Variants in ESPL1 observed in about 807,000 individuals in gnomAD.
ESPL1 encodes separin.
In ESPL1, 50 loss-of-function variants were observed where a neutral mutation model predicts 217.2. The observed-to-expected ratio is 0.23, with a 90% CI of 0.18 to 0.29. The LOEUF (loss-of-function observed/expected upper bound fraction) is 0.29, where lower values mean the gene tolerates loss of function less well. Among genes scored for constraint, ESPL1 ranks in the 10% least tolerant of loss-of-function variants. ESPL1 has a pLI of 1.00. For synonymous variants in ESPL1, 994 were observed against 1,081.3 expected (o/e 0.92, Z 1.58); for missense variants, 1,834 against 2,603.0 (o/e 0.70, Z 6.43).
Position 53,292,076 on chromosome 12 carries a change from C to T in ESPL1, c.5784C>T (p.Ser1928=), listed in dbSNP as rs771553726. The change falls in exon 27 of 31, where the codon TCC becomes TCT. Residue 1928 remains serine (S), a synonymous_variant. Coordinates refer to ENST00000257934, the MANE Select transcript of ESPL1 (RefSeq NM_012291.5). This position sits in a 1 kb window ranked among gnomAD's most constrained non-coding sequence, Gnocchi z 4.5. ...CCTTCCGCTTCCTACTCAGCTACTC[C>T]ATCATCAAAGAGGTGGGGTTCAGGG... The part of the protein sequence containing the change: ...LPSFRFLLSY[S]IIKEYGASPV... The T allele has an allele frequency of 1.9e-6, 3 of 1,613,436 alleles. No homozygotes were observed. The highest frequency in any genetic ancestry group is 2.2e-5 in the South Asian group (2 of 91,052).
intron 24 of ESPL1, 140 bp from the exon 25 acceptor site, chr12:53,290,701 A>T: frequency 1.1e-4 from 1 of 9,214 alleles, no homozygotes; most frequent in Non-Finnish European, 2.2e-4. Flanking sequence ...CTTAAACCCA[A>T]CTATCAGCTT....
chr12:53,268,545 A>G (rs895025251), intron 1 of ESPL1, 168 bp downstream of exon 1: 1 of 543,432 alleles, frequency 1.8e-6, no homozygotes, highest in Non-Finnish European at 3.3e-6. Flanking sequence ...TAGCGCGGCG[A>G]GTGGTGTGGT....
chr12:53,293,433 G>A lies in ESPL1; in HGVS notation c.6322G>A (p.Ala2108Thr). 2 of 1,614,138 alleles carry A rather than the reference G, an allele frequency of 1.2e-6. No homozygotes were observed. Among genetic ancestry groups the A allele is most frequent in the Non-Finnish European group, 1.7e-6 (2 of 1,180,034 alleles). The change falls in exon 31 of 31, where the codon GCT becomes ACT. Residue 2108 changes from alanine to threonine, a missense_variant. Ala to Thr is a moderately conservative substitution (Grantham distance 58). Transcript: ENST00000257934. This position sits in a 1 kb window ranked among gnomAD's most constrained non-coding sequence, Gnocchi z 4.2. ...QAPRLKYLIG[A>T]APIAYGLPVS... ...TCCCCGACTCAAGTATCTTATTGGGGCTGCACCTATAGCCTATGGCTTGCC... is the reference window on the plus strand; with the variant it reads ...TCCCCGACTCAAGTATCTTATTGGGACTGCACCTATAGCCTATGGCTTGCC...
chr12:53,275,092 C>A, intron 7 of ESPL1, 82 bp downstream of exon 7: 1 of 1,172,648 alleles, frequency 8.5e-7, no homozygotes, highest in African/African-American at 1.6e-5. Context: ...CACTTGAGGT[C>A]AGGAGTTTGA....
intron 17 of ESPL1, among the ~76,000 whole-genome samples, chr12:53,285,568 G>C (rs549647929): frequency 2.5e-4 from 38 of 152,182 alleles, no homozygotes; most frequent in African/African-American, 8.9e-4. Flanking sequence ...AATTAGCCGG[G>C]CGTGGTGGTG....
At chr12:53,276,927 C>G (rs113972522) in intron 8 of ESPL1, 68 bp downstream of exon 8, 27,567 of 1,578,166 alleles carry the variant, frequency 0.017, 290 homozygotes, top group Non-Finnish European at 0.02. Context: ...TCTTGAGAAC[C>G]AGTTTCCCTC....
rs200782777 is a variant in ESPL1 at position 53,289,917 on chromosome 12, G to A, written c.5114-168G>A. The A allele has an allele frequency of 2.4e-4, 166 of 680,308 alleles. 1 individual carries two copies. The East Asian group carries it at 4.2e-3, about 17-fold the overall frequency. The allele number at this position is 680,308 out of a possible 1,614,324, so 42.1% of individuals were successfully genotyped here. On this transcript the variant is annotated intron_variant, in intron 22 of 30. Transcript: ENST00000257934. The stretch of plus-strand genomic sequence containing the variant: ...TGAGGGACACAAAGTACAAGTCATG[G>A]TCTCTGTGCACAGGGAGCTATTAGA...
In ESPL1 at chr12:53,290,152, G is replaced by A. The variant is rs375993955; in HGVS notation, c.5181G>A (p.Leu1727=). The part of the protein sequence containing the change: ...QPGTVGNTLL[L]TRLEKDSPPV... The stretch of plus-strand genomic sequence containing the variant: ...GAACCGTGGGCAACACCCTCCTGCT[G>A]ACCCGGCTGGAAAAGGACAGTCCCC... The change falls in exon 23 of 31, where the codon CTG becomes CTA. Residue 1727 remains leucine, a synonymous_variant. Coordinates refer to ENST00000257934, the MANE Select transcript of ESPL1 (RefSeq NM_012291.5). 3.1e-6 allele frequency: 5 copies of A among 1,613,976 alleles called. No individual in the cohort carries two copies. The highest frequency in any genetic ancestry group is 4.2e-6 in the Non-Finnish European group (5 of 1,180,030).
In ESPL1 at chr12:53,293,593, T is replaced by A; in HGVS notation, c.*119T>A. On this transcript the variant is annotated 3_prime_UTR_variant, in exon 31 of 31. Coordinates refer to ENST00000257934, the MANE Select transcript of ESPL1 (RefSeq NM_012291.5). This position sits in a 1 kb window ranked among gnomAD's most constrained non-coding sequence, Gnocchi z 4.2. Reference sequence around the variant, plus strand: ...TTTCCCCAGTGTTTTATATGAAACATTTCCTTTTGATTTAACCTCAGTATA... The same window carrying A: ...TTTCCCCAGTGTTTTATATGAAACAATTCCTTTTGATTTAACCTCAGTATA... The A allele has an allele frequency of 3.9e-6, 3 of 764,148 alleles. No homozygotes were observed. Among genetic ancestry groups the A allele is most frequent in the Non-Finnish European group, 6.4e-6 (3 of 466,448 alleles). The allele number at this position is 764,148 out of a possible 1,614,324, so 47.3% of individuals were successfully genotyped here.
rs1397473374 is a variant in ESPL1, at chr12:53,282,220, G to T, written c.2620-44G>T. 1.3e-6 allele frequency: 2 copies of T among 1,578,724 alleles called. No homozygotes were observed. The highest frequency in any genetic ancestry group is 1.7e-6 in the Non-Finnish European group (2 of 1,149,102). On this transcript the variant is annotated intron_variant, in intron 13 of 30. Transcript: ENST00000257934. The surrounding 1 kb of genome is among the most constrained non-coding windows in gnomAD (Gnocchi z 4.0). ...TCCAGGGCCTCTCAAGCTCTGGAGT[G>T]CCTGACTGCCTTACTGCCTCCTCTG...
In ESPL1 at chr12:53,289,926, C is replaced by T. The variant is rs1944022564; in HGVS notation, c.5114-159C>T. 1.3e-5 allele frequency: 9 copies of T among 716,268 alleles called. No homozygotes were observed. The South Asian group carries it at 1.7e-4, about 13-fold the overall frequency. 44.4% of individuals were successfully genotyped at this position (716,268 alleles called of 1,614,324 possible). ...CAAAGTACAAGTCATGGTCTCTGTG[C>T]ACAGGGAGCTATTAGAGCAAGGGAG... On this transcript the variant is annotated intron_variant, in intron 22 of 30. Coordinates refer to ENST00000257934, the MANE Select transcript of ESPL1 (RefSeq NM_012291.5).
intron 17 of ESPL1, among the ~76,000 whole-genome samples, chr12:53,285,102 AG>A (rs1256568529): frequency 3.3e-5 from 5 of 152,292 alleles, no homozygotes; most frequent in Non-Finnish European, 7.3e-5. Flanking sequence ...TGTGCTCAAT[AG>A]CCACATGGCT....
intron 17 of ESPL1, among the ~76,000 whole-genome samples, chr12:53,285,233 GC>G (rs1481954992): frequency 6.6e-6 from 1 of 151,958 alleles, no homozygotes; most frequent in East Asian, 1.9e-4. Flanking sequence ...TACTTCATTT[GC>G]CCCACACTAG....
intron 11 of ESPL1, 25 bp downstream of exon 11, chr12:53,277,985 G>C (rs879213616): frequency 1.9e-6 from 3 of 1,609,454 alleles, no homozygotes; most frequent in Non-Finnish European, 2.5e-6. Flanking sequence ...CATTGAGGGG[G>C]ACCCATATAA....
Position 53,288,309 on chromosome 12 carries a change from T to A in ESPL1, c.4514T>A (p.Leu1505His), listed in dbSNP as rs1228391368. Reference protein sequence around the residue: ...DNWRKMSFEILRGSDGEDSAS... With the variant: ...DNWRKMSFEIHRGSDGEDSAS... ...TGGAGAAAAATGAGCTTTGAGATCC[T>A]CAGGGGCTCTGACGGGGAAGACTCA... Residue 1505 changes from leucine (L) to histidine (H), a missense_variant, in exon 19 of 31, where the codon CTC becomes CAC. Physicochemically the swap from Leu to His is moderately conservative, Grantham distance 99. Around this residue, in one of 5 missense-constraint regions of ESPL1, gnomAD observed 681 missense variants for 808.0 expected, o/e 0.84. Coordinates refer to ENST00000257934, the MANE Select transcript of ESPL1 (RefSeq NM_012291.5). The A allele has an allele frequency of 6.2e-7, 1 of 1,602,662 alleles. No homozygotes were observed. Among genetic ancestry groups the A allele is most frequent in the South Asian group, 1.1e-5 (1 of 89,434 alleles).
chr12:53,286,529 C>T lies in ESPL1; in HGVS notation c.3793C>T (p.Arg1265Ter), dbSNP rs1288664894. The change falls in exon 18 of 31, where the codon CGA becomes TGA. Residue 1265 changes from arginine to a stop codon, truncating the protein, a stop_gained. Coordinates refer to ENST00000257934, the MANE Select transcript of ESPL1 (RefSeq NM_012291.5). LOFTEE classifies it high-confidence loss of function. The surrounding 1 kb of genome is among the most constrained non-coding windows in gnomAD (Gnocchi z 5.3). Reference protein sequence around the residue: ...AARIPHLEPWRASLLLIWALT... With the variant: ...AARIPHLEPW The stretch of plus-strand genomic sequence containing the variant: ...ACGGATACCCCACCTAGAGCCCTGG[C>T]GAGCCAGCCTGCTCTTGATTTGGGC... The T allele has an allele frequency of 2.5e-6, 4 of 1,614,168 alleles. No homozygotes were observed. The highest frequency in any genetic ancestry group is 3.4e-6 in the Non-Finnish European group (4 of 1,180,016).
chr12:53,269,185 C>A lies in ESPL1; in HGVS notation c.243C>A (p.Ala81=). Residue 81 remains alanine (A), a synonymous_variant, in exon 3 of 31, where the codon GCC becomes GCA. Transcript: ENST00000257934. This position sits in a 1 kb window ranked among gnomAD's most constrained non-coding sequence, Gnocchi z 6.7. ...GCCTGCTGGAGCTGGCAGAGCTGGCCTGTGATGGCTACTTAGTGTCTACCC... is the reference window on the plus strand; with the variant it reads ...GCCTGCTGGAGCTGGCAGAGCTGGCATGTGATGGCTACTTAGTGTCTACCC... ...LGSLLELAEL[A]CDGYLVSTPQ... is the part of the protein sequence containing the mutation. 3.7e-6 allele frequency: 6 copies of A among 1,614,182 alleles called. No individual in the cohort carries two copies. Among genetic ancestry groups the A allele is most frequent in the Non-Finnish European group, 5.1e-6 (6 of 1,180,034 alleles).
At position 53,285,664 on chromosome 12, in the gene ESPL1, G is replaced by T. The variant is rs184126530; in HGVS notation, c.3188-260G>T. 9.1e-4 allele frequency among the ~76,000 whole-genome samples: 138 copies of T among 151,474 alleles called. 1 individual carries two copies. Among genetic ancestry groups the T allele is most frequent in the African/African-American group, 3.2e-3 (133 of 41,262 alleles). On this transcript the variant is annotated intron_variant, in intron 17 of 30. Coordinates refer to ENST00000257934, the MANE Select transcript of ESPL1 (RefSeq NM_012291.5). ...GCGGAGCTTGCAGTGAGCTGAGATT[G>T]TGCCACTGCACTCCAGCCTGGGCGA... is the stretch of plus-strand genomic sequence containing the variant.
At position 53,289,539 on chromosome 12, in the gene ESPL1, C is replaced by G; in HGVS notation, c.5058C>G (p.His1686Gln). The change falls in exon 22 of 31, where the codon CAC becomes CAG. Residue 1686 changes from histidine to glutamine, a missense_variant. His to Gln is a conservative substitution (Grantham distance 24). Coordinates refer to ENST00000257934, the MANE Select transcript of ESPL1 (RefSeq NM_012291.5). Reference sequence around the variant, plus strand: ...CCTTCAGGGCTTTGGAATCTGGCCACTTCCCCCAGCCTGAAAAGGAGAGTT... The same window carrying G: ...CCTTCAGGGCTTTGGAATCTGGCCAGTTCCCCCAGCCTGAAAAGGAGAGTT... Reference protein sequence around the residue: ...LFSFRALESGHFPQPEKESFQ... With the variant: ...LFSFRALESGQFPQPEKESFQ... 1.2e-6 allele frequency: 2 copies of G among 1,614,162 alleles called. No homozygotes were observed. Among genetic ancestry groups the G allele is most frequent in the Non-Finnish European group, 1.7e-6 (2 of 1,180,032 alleles).
Sources: allele counts gnomAD v4.1 joint callset (sites outside exome capture counted in the v4.1 genomes callset), GRCh38; gene constraint gnomAD v4.1.1; regional missense constraint gnomAD v4.1.1; non-coding constraint Gnocchi (gnomAD v3.1); transcripts MANE v1.5; gene names NCBI Gene and HGNC (gene_info 2026-07-23, HGNC 2026-07-21).